TBC1D5: variants seen among roughly 807,000 people sequenced by gnomAD.
The protein encoded by TBC1D5 is TBC1 domain family member 5.
Under a neutral mutation model 100.3 loss-of-function variants are expected in TBC1D5, and 75 were observed. The ratio of observed to expected loss-of-function variants is 0.75; its 90% CI spans 0.62 to 0.91. TBC1D5 has a LOEUF of 0.91. Among genes scored for constraint, TBC1D5 ranks in the 40% least tolerant of loss-of-function variants. The probability of loss-of-function intolerance (pLI) is 0.00; values close to 1 mark genes in which losing one functional copy is unlikely to be tolerated. For missense variants in TBC1D5, 910 were observed against 942.4 expected, an observed-to-expected ratio of 0.97 and a Z score of 0.45; for synonymous variants, 323 against 325.6, an observed-to-expected ratio of 0.99 and a Z score of 0.09.
chr3:17,320,193 A>T (rs1301341294), intron 13 of TBC1D5, among the ~76,000 whole-genome samples: 1 of 152,230 alleles, frequency 6.6e-6, no homozygotes, highest in Non-Finnish European at 1.5e-5. Flanking sequence ...ATCTTTGATT[A>T]CAAAGAATGG....
chr3:17,626,208 AT>A, intron 1 of TBC1D5, among the ~76,000 whole-genome samples: 1 of 152,260 alleles, frequency 6.6e-6, no homozygotes, highest in Admixed American at 6.5e-5. Flanking sequence ...AGGTTTTCTG[AT>A]TGTCAAAAAA....
At chr3:17,285,291 C>T (rs1281108957) in intron 15 of TBC1D5, among the ~76,000 whole-genome samples, 4 of 123,250 alleles carry the variant, frequency 3.2e-5, no homozygotes, top group Non-Finnish European at 6.3e-5. Flanking sequence ...GACGGAGTCT[C>T]GCTCTGTCGC....
chr3:17,163,376 C>T (rs147288971), intron 21 of TBC1D5, among the ~76,000 whole-genome samples: 44 of 152,122 alleles, frequency 2.9e-4, no homozygotes, highest in South Asian at 8.3e-4. Context: ...TGGACTCCCA[C>T]CTAGAATTTT....
intron 3 of TBC1D5, among the ~76,000 whole-genome samples, chr3:17,467,054 T>A (rs1370943263): frequency 6.6e-6 from 1 of 152,136 alleles, no homozygotes. Context: ...GACAACTGAT[T>A]TCTACGTCTA....
intron 13 of TBC1D5, among the ~76,000 whole-genome samples, chr3:17,310,009 T>A (rs955495244): frequency 1.3e-5 from 2 of 152,136 alleles, no homozygotes; most frequent in African/African-American, 4.8e-5. Context: ...CCCTCTTTCC[T>A]TACAGCTCAA....
chr3:17,730,008 G>T (rs2076428703), intron 1 of TBC1D5, among the ~76,000 whole-genome samples: 1 of 152,000 alleles, frequency 6.6e-6, no homozygotes, highest in South Asian at 2.1e-4. Context: ...CTACTCAGGA[G>T]GCCGAGGCAG....
At chr3:17,663,940 C>A (rs1200340279) in intron 1 of TBC1D5, among the ~76,000 whole-genome samples, 2 of 152,176 alleles carry the variant, frequency 1.3e-5, no homozygotes, top group Admixed American at 1.3e-4. Context: ...AAAAAAATCC[C>A]ATTTTTCATA....
chr3:17,676,005 T>A (rs1411269300), intron 1 of TBC1D5, among the ~76,000 whole-genome samples: 1 of 152,154 alleles, frequency 6.6e-6, no homozygotes, highest in Non-Finnish European at 1.5e-5. Flanking sequence ...TAATTCCTAA[T>A]TAAATGCATC....
intron 16 of TBC1D5, 148 bp downstream of exon 16, chr3:17,258,358 A>AAAT: frequency 1.3e-6 from 1 of 751,792 alleles, no homozygotes; most frequent in Non-Finnish European, 2.2e-6. Context: ...TATGCCTTTA[A>AAAT]AATAACTTGG....
chr3:17,489,536 T>G (rs2095612239), intron 3 of TBC1D5, among the ~76,000 whole-genome samples: 1 of 152,178 alleles, frequency 6.6e-6, no homozygotes, highest in Non-Finnish European at 1.5e-5. Flanking sequence ...CCTGTGTCCA[T>G]GTGTTCTCAT....
chr3:17,596,794 T>C (rs1013940729), intron 2 of TBC1D5, among the ~76,000 whole-genome samples: 5 of 151,802 alleles, frequency 3.3e-5, no homozygotes, highest in Admixed American at 2.6e-4. Context: ...CAAAGCAGTA[T>C]TCAGGACAGA....
Position 17,384,615 on chromosome 3 carries a change from A to G in TBC1D5, c.510-600T>C, listed in dbSNP as rs192394688. On this transcript the variant is annotated intron_variant, in intron 8 of 21. Coordinates refer to ENST00000253692, the Ensembl canonical transcript of TBC1D5. ...GGAATGTCATCTAGTAGTAGTAGTCAACTGGGTTTAATCACAGAGAGTTTG... is the reference window on the plus strand; with the variant it reads ...GGAATGTCATCTAGTAGTAGTAGTCGACTGGGTTTAATCACAGAGAGTTTG... 3.9e-5 allele frequency among the ~76,000 whole-genome samples: 6 copies of G among 152,218 alleles called. No homozygotes were observed. In the East Asian group the frequency reaches 1.2e-3, roughly 29 times the overall value.
At chr3:17,314,801 G>A (rs2084473617) in intron 13 of TBC1D5, among the ~76,000 whole-genome samples, 1 of 152,148 alleles carries the variant, frequency 6.6e-6, no homozygotes, top group East Asian at 1.9e-4. Flanking sequence ...CATGTAAAAT[G>A]TTACTCCATG....
At chr3:17,390,463 G>A (rs1384672333) in intron 8 of TBC1D5, among the ~76,000 whole-genome samples, 1 of 152,076 alleles carries the variant, frequency 6.6e-6, no homozygotes, top group Non-Finnish European at 1.5e-5. Flanking sequence ...GTAATTAGAA[G>A]TATTAAAACA....
intron 16 of TBC1D5, among the ~76,000 whole-genome samples, chr3:17,255,980 A>G (rs7613080): frequency 3.0e-4 from 46 of 152,268 alleles, no homozygotes; most frequent in South Asian, 4.1e-4. Context: ...AGCTTGCAGT[A>G]AGCCGAGATT....
intron 16 of TBC1D5, among the ~76,000 whole-genome samples, chr3:17,249,186 T>C (rs1202851718): frequency 6.6e-6 from 1 of 152,270 alleles, no homozygotes; most frequent in Admixed American, 6.5e-5. Flanking sequence ...TTATCATTCA[T>C]GTGTCCACTG....
At chr3:17,274,795 A>G (rs1165709684) in intron 15 of TBC1D5, among the ~76,000 whole-genome samples, 1 of 152,244 alleles carries the variant, frequency 6.6e-6, no homozygotes, top group Admixed American at 6.5e-5. Context: ...CTTATATTGC[A>G]ATAAGAACCT....
intron 2 of TBC1D5, among the ~76,000 whole-genome samples, chr3:17,518,292 C>A (rs2096016892): frequency 6.6e-6 from 1 of 152,176 alleles, no homozygotes; most frequent in South Asian, 2.1e-4. Flanking sequence ...CTACCCATGG[C>A]CCACCCTGCC....
intron 1 of TBC1D5, among the ~76,000 whole-genome samples, chr3:17,696,381 G>A (rs538853841): frequency 6.6e-6 from 1 of 151,766 alleles, no homozygotes; most frequent in East Asian, 1.9e-4. Context: ...AAGGAGAGAA[G>A]AATCAAATAG....
Sources: allele counts gnomAD v4.1 joint callset (sites outside exome capture counted in the v4.1 genomes callset), GRCh38; gene constraint gnomAD v4.1.1; transcripts MANE v1.5; gene names NCBI Gene and HGNC (gene_info 2026-07-23, HGNC 2026-07-21).